MOCOS: variants seen among roughly 807,000 people sequenced by gnomAD.
The protein encoded by MOCOS is molybdenum cofactor sulfurase, also known as human molybdenum cofactor sulfurase.
In MOCOS, 86 loss-of-function variants were observed where a neutral mutation model predicts 83.6. The ratio of observed to expected loss-of-function variants is 1.03; its 90% CI spans 0.86 to 1.23. The LOEUF (loss-of-function observed/expected upper bound fraction) is 1.23. MOCOS is among the 50% of genes most tolerant of loss of function. MOCOS has a pLI of 0.00. For missense variants in MOCOS, 1,120 were observed against 1,126.9 expected (o/e 0.99, Z 0.09); for synonymous variants, 445 against 434.7 (o/e 1.02, Z -0.29).
rs1395053922 is a variant in MOCOS at position 36,266,759 on chromosome 18, C to A, written c.2420C>A (p.Pro807His). ...IGSLRFQVLG[P>H]CHRCQMICID... The stretch of plus-strand genomic sequence containing the variant: ...CTTCTCACCTGCCAGGTTTTGGGGC[C>A]TTGTCACAGATGCCAGATGATTTGC... Residue 807 changes from proline (P) to histidine (H), a missense_variant, in exon 14 of 15, where the codon CCT becomes CAT. Physicochemically the swap from Pro to His is moderately conservative, Grantham distance 77. Coordinates refer to ENST00000261326, the MANE Select transcript of MOCOS (RefSeq NM_017947.4). 3 of 1,613,888 alleles carry A rather than the reference C, an allele frequency of 1.9e-6. No homozygotes were observed. The African/African-American group carries it at 4.0e-5, about 22-fold the overall frequency.
chr18:36,233,518 T>A (rs1277319590), intron 9 of MOCOS, among the ~76,000 whole-genome samples: 1 of 152,222 alleles, frequency 6.6e-6, no homozygotes, highest in Non-Finnish European at 1.5e-5. Context: ...GTGTCTTTTT[T>A]ATATAATGAC....
In MOCOS at chr18:36,253,056, A is replaced by G; in HGVS notation, c.2164+1773A>G. Reference sequence around the variant, plus strand: ...TTTCCAGGGGTAGAGGCATGAAAGGAGTAGGATTTGTCAGGACCTGTGTAC... The same window carrying G: ...TTTCCAGGGGTAGAGGCATGAAAGGGGTAGGATTTGTCAGGACCTGTGTAC... On this transcript the variant is annotated intron_variant, in intron 11 of 14. Coordinates refer to ENST00000261326, the MANE Select transcript of MOCOS (RefSeq NM_017947.4). Among the ~76,000 whole-genome samples, 2 of 152,122 alleles carry G rather than the reference A, an allele frequency of 1.3e-5. 1 individual carries two copies. The highest frequency in any genetic ancestry group is 2.9e-5 in the Non-Finnish European group (2 of 68,040).
intron 9 of MOCOS, among the ~76,000 whole-genome samples, chr18:36,233,754 T>C (rs916165844): frequency 6.6e-6 from 1 of 152,214 alleles, no homozygotes; most frequent in African/African-American, 2.4e-5. Flanking sequence ...TGGTATTACA[T>C]TGTGGTTTTG....
At chr18:36,211,696 A>G (rs1193074623) in intron 6 of MOCOS, among the ~76,000 whole-genome samples, 2 of 152,076 alleles carry the variant, frequency 1.3e-5, no homozygotes, top group African/African-American at 4.8e-5. Flanking sequence ...ACTGATGCAT[A>G]AAAGGGAAAT....
chr18:36,251,123 T>C (rs1248849388), intron 10 of MOCOS, 36 bp from the exon 11 acceptor site: 3 of 1,594,822 alleles, frequency 1.9e-6, no homozygotes, highest in South Asian at 1.1e-5. Context: ...ATAAATACTA[T>C]GTAACAGTTC....
chr18:36,250,388 A>G (rs1191673536), intron 10 of MOCOS, among the ~76,000 whole-genome samples: 1 of 152,188 alleles, frequency 6.6e-6, no homozygotes, highest in Non-Finnish European at 1.5e-5. Context: ...AGCTACATCC[A>G]AGTTGGACCC....
intron 8 of MOCOS, 56 bp from the exon 9 acceptor site, chr18:36,219,999 G>A (rs2091490026): frequency 6.2e-7 from 1 of 1,608,364 alleles, no homozygotes; most frequent in Non-Finnish European, 8.5e-7. Flanking sequence ...TGTACAAATA[G>A]GTGAAGACCA....
chr18:36,212,346 G>C lies in MOCOS; in HGVS notation c.1219-1020G>C, dbSNP rs116013718. 2.2e-3 allele frequency among the ~76,000 whole-genome samples: 331 copies of C among 152,278 alleles called. 2 individuals carry two copies. Among genetic ancestry groups the C allele is most frequent in the African/African-American group, 7.6e-3 (317 of 41,562 alleles). On this transcript the variant is annotated intron_variant, in intron 6 of 14. Transcript: ENST00000261326. Reference sequence around the variant, plus strand: ...ATGGTGAATATGGGGGAGTGGGTGAGGGGCAGCCACGGGGACTCTAATTCA... The same window carrying C: ...ATGGTGAATATGGGGGAGTGGGTGACGGGCAGCCACGGGGACTCTAATTCA...
chr18:36,240,223 G>A (rs1362941232), intron 9 of MOCOS, among the ~76,000 whole-genome samples: 1 of 130,070 alleles, frequency 7.7e-6, no homozygotes, highest in East Asian at 2.1e-4. Flanking sequence ...GATTTTTAGA[G>A]TTTCCAGTTT....
chr18:36,254,005 G>A (rs2091631780), intron 11 of MOCOS, among the ~76,000 whole-genome samples: 2 of 152,176 alleles, frequency 1.3e-5, no homozygotes, highest in South Asian at 4.1e-4. Context: ...AGCTGGGACT[G>A]TCCTGGTGGG....
chr18:36,240,729 C>A (rs536556352), intron 9 of MOCOS, among the ~76,000 whole-genome samples: 162 of 152,322 alleles, frequency 1.1e-3, no homozygotes, highest in South Asian at 4.8e-3. Context: ...GCCCCTCCCC[C>A]AGCCTCGCTG....
chr18:36,240,898 A>C (rs1246614695), intron 9 of MOCOS, among the ~76,000 whole-genome samples: 1 of 152,192 alleles, frequency 6.6e-6, no homozygotes, highest in Non-Finnish European at 1.5e-5. Flanking sequence ...CCGATTCTCC[A>C]GGTGCCGTCC....
intron 1 of MOCOS, among the ~76,000 whole-genome samples, chr18:36,192,573 C>T (rs993030753): frequency 6.6e-6 from 1 of 152,124 alleles, no homozygotes; most frequent in African/African-American, 2.4e-5. Flanking sequence ...ATCCCAGCTG[C>T]CTTTTTGCAG....
At position 36,222,486 on chromosome 18, in the gene MOCOS, A is replaced by C. The variant is rs531722515; in HGVS notation, c.1960+2269A>C. On this transcript the variant is annotated intron_variant, in intron 9 of 14. Coordinates refer to ENST00000261326, the MANE Select transcript of MOCOS (RefSeq NM_017947.4). ...TTTGATTTCAATTTGCATTTCCCTC[A>C]TTATTAGTGATGTTAAACATTTTCC... is the stretch of plus-strand genomic sequence containing the variant. Among the ~76,000 whole-genome samples the C allele has an allele frequency of 8.6e-5, 13 of 152,040 alleles. No homozygotes were observed. In the East Asian group the frequency reaches 2.5e-3, roughly 29 times the overall value.
intron 1 of MOCOS, among the ~76,000 whole-genome samples, chr18:36,193,939 A>G (rs182737763): frequency 1.3e-5 from 2 of 152,380 alleles, no homozygotes; most frequent in East Asian, 3.8e-4. Context: ...TATTCATACA[A>G]TGGAATACTA....
At chr18:36,221,382 T>G (rs1350981269) in intron 9 of MOCOS, among the ~76,000 whole-genome samples, 2 of 152,158 alleles carry the variant, frequency 1.3e-5, no homozygotes, top group African/African-American at 4.8e-5. Flanking sequence ...CTCCTCTTCC[T>G]TTTTCTTTTT....
In MOCOS at chr18:36,215,602, G is replaced by A. The variant is rs34489411; in HGVS notation, c.1422G>A (p.Thr474=). The A allele has an allele frequency of 8.2e-5, 133 of 1,614,096 alleles. No individual in the cohort carries two copies. Among genetic ancestry groups the A allele is most frequent in the Admixed American group, 6.0e-4 (36 of 60,008 alleles). The change falls in exon 8 of 15, where the codon ACG becomes ACA. Residue 474 remains threonine, a synonymous_variant. Coordinates refer to ENST00000261326, the MANE Select transcript of MOCOS (RefSeq NM_017947.4). The part of the protein sequence containing the change: ...SVRISFGYMS[T]LDDVQAFLRF... ...GGATTTCATTTGGATACATGTCGACGCTGGATGATGTCCAGGCCTTTCTTA... is the reference window on the plus strand; with the variant it reads ...GGATTTCATTTGGATACATGTCGACACTGGATGATGTCCAGGCCTTTCTTA...
chr18:36,195,166 G>C, intron 1 of MOCOS, 91 bp from the exon 2 acceptor site: 1 of 1,064,330 alleles, frequency 9.4e-7, no homozygotes, highest in Non-Finnish European at 1.5e-6. Context: ...GTGGCCTGAT[G>C]TTACGTCTGC....
intron 2 of MOCOS, among the ~76,000 whole-genome samples, chr18:36,197,055 C>T (rs1194909361): frequency 6.6e-5 from 10 of 151,882 alleles, no homozygotes; most frequent in African/African-American, 9.7e-5. Context: ...GTGAGGACAC[C>T]AGGAAGGGAG....
Sources: allele counts gnomAD v4.1 joint callset (sites outside exome capture counted in the v4.1 genomes callset), GRCh38; gene constraint gnomAD v4.1.1; transcripts MANE v1.5; gene names NCBI Gene and HGNC (gene_info 2026-07-23, HGNC 2026-07-21).